Variants in ATP5PD observed in about 807,000 individuals in gnomAD.
ATP5PD encodes ATP synthase peripheral stalk subunit d.
Under a neutral mutation model 22.6 loss-of-function variants are expected in ATP5PD, and 13 were observed. The ratio of observed to expected loss-of-function variants is 0.58; its 90% CI spans 0.37 to 0.91. ATP5PD has a LOEUF of 0.91. ATP5PD is among the 40% of genes least tolerant of loss of function. The pLI, the probability that ATP5PD is intolerant of heterozygous loss-of-function variation, is 0.00. For synonymous variants in ATP5PD, 51 were observed against 65.0 expected (o/e 0.79, Z 1.03); for missense variants, 165 against 188.0 (o/e 0.88, Z 0.72).
At chr17:75,046,837 G>A (rs1222142145) in intron 1 of ATP5PD, 88 bp downstream of exon 1, 3 of 152,534 alleles carry the variant, frequency 2.0e-5, no homozygotes, top group Non-Finnish European at 4.4e-5. Flanking sequence ...CCTTGACGGG[G>A]GCGTGACAAG....
intron 1 of ATP5PD, among the ~76,000 whole-genome samples, chr17:75,044,709 T>G (rs1015730683): frequency 2.0e-5 from 3 of 151,332 alleles, no homozygotes; most frequent in African/African-American, 7.3e-5. Flanking sequence ...TACAGCCACT[T>G]AAAAAAAAAG....
intron 4 of ATP5PD, 118 bp downstream of exon 4, chr17:75,039,974 C>T (rs1264124190): frequency 1.9e-6 from 2 of 1,058,320 alleles, no homozygotes; most frequent in Middle Eastern, 2.1e-4. Context: ...ATTGACAAGT[C>T]ATTCCTTTAT....
intron 3 of ATP5PD, chr17:75,041,820 G>A (rs574802918): frequency 3.4e-5 from 6 of 175,372 alleles, no homozygotes; most frequent in Admixed American, 3.1e-4. Flanking sequence ...GCGTTATGCC[G>A]ATCGGGTGTC....
In ATP5PD at chr17:75,040,321, C is replaced by T. The variant is rs570141651; in HGVS notation, c.220-158G>A. The stretch of plus-strand genomic sequence containing the variant: ...TCTGTGTCCCAAGCGGAAACGAATA[C>T]GCATCTCAATACTGGAGTAGAAAGA... On this transcript the variant is annotated intron_variant, in intron 3 of 5. Transcript: ENST00000301587. The T allele has an allele frequency of 5.1e-5, 40 of 778,944 alleles. No individual in the cohort carries two copies. The East Asian group carries it at 9.4e-4, about 18-fold the overall frequency. The allele number at this position is 778,944 out of a possible 1,614,324, so 48.3% of individuals were successfully genotyped here. A position where few individuals can be genotyped will look rare whatever the true frequency, so the allele number is the denominator to read the frequency against.
chr17:75,041,119 G>T (rs903581317), intron 3 of ATP5PD: 1 of 152,006 alleles, frequency 6.6e-6, no homozygotes, highest in Admixed American at 6.6e-5. Context: ...AGCACTTTGG[G>T]AGGCCAAGGA....
chr17:75,045,018 C>T (rs1023057898), intron 1 of ATP5PD, among the ~76,000 whole-genome samples: 1 of 152,074 alleles, frequency 6.6e-6, no homozygotes, highest in Non-Finnish European at 1.5e-5. Flanking sequence ...GAACTTGCCC[C>T]GATAGTCACA....
At chr17:75,043,330 G>A (rs2073179395) in intron 1 of ATP5PD, among the ~76,000 whole-genome samples, 1 of 151,586 alleles carries the variant, frequency 6.6e-6, no homozygotes, top group Non-Finnish European at 1.5e-5. Context: ...CAGCTCTCTT[G>A]GCCGGGCGCA....
intron 1 of ATP5PD, among the ~76,000 whole-genome samples, chr17:75,046,617 G>A (rs953608180): frequency 6.6e-6 from 1 of 152,224 alleles, no homozygotes; most frequent in Non-Finnish European, 1.5e-5. Flanking sequence ...TGTTTCCCCA[G>A]TCCCCCCACC....
chr17:75,043,370 G>A (rs781001037), intron 1 of ATP5PD, among the ~76,000 whole-genome samples: 3 of 152,072 alleles, frequency 2.0e-5, no homozygotes, highest in Non-Finnish European at 4.4e-5. Flanking sequence ...CCAGCACTTT[G>A]GGAGGCTGAG....
At chr17:75,040,217 A>T (rs1480349843) in intron 3 of ATP5PD, 54 bp from the exon 4 acceptor site, 22 of 1,608,412 alleles carry the variant, frequency 1.4e-5, no homozygotes, top group Middle Eastern at 4.5e-4. Context: ...AAACACAAGG[A>T]CAGTGAGTCG....
intron 1 of ATP5PD, among the ~76,000 whole-genome samples, 174 bp from the exon 2 acceptor site, chr17:75,042,833 A>C (rs1293218938): frequency 6.6e-6 from 1 of 152,124 alleles, no homozygotes; most frequent in Admixed American, 6.6e-5. Context: ...GTGAGTCGAG[A>C]CTGCATCACT....
At chr17:75,039,518 G>A (rs976919088) in intron 4 of ATP5PD, 10 of 497,786 alleles carry the variant, frequency 2.0e-5, no homozygotes, top group Admixed American at 1.0e-4. Flanking sequence ...TTCCTCATCC[G>A]AAGACCTACA....
Position 75,044,452 on chromosome 17 carries a change from G to A in ATP5PD, c.-9-1793C>T, listed in dbSNP as rs985257802. On this transcript the variant is annotated intron_variant, in intron 1 of 5. Coordinates refer to ENST00000301587, the MANE Select transcript of ATP5PD (RefSeq NM_006356.3). ...GATCTCCTGACCTCATGATCCACCC[G>A]CCTCGGCCTCCCAAAGTGCTGGGAT... Among the ~76,000 whole-genome samples, 7 of 108,212 alleles carry A rather than the reference G, an allele frequency of 6.5e-5. 2 individuals carry two copies. Among genetic ancestry groups the A allele is most frequent in the Non-Finnish European group, 1.1e-4 (7 of 61,578 alleles). The allele number at this position is 108,212 out of a possible 152,430, so 71.0% of individuals were successfully genotyped here.
At chr17:75,039,742 T>TA in intron 4 of ATP5PD, 1 of 286,914 alleles carries the variant, frequency 3.5e-6, no homozygotes, top group Non-Finnish European at 6.5e-6. Flanking sequence ...TGAAATATGA[T>TA]AAAATGCACA....
intron 3 of ATP5PD, 103 bp downstream of exon 3, chr17:75,042,078 C>A: frequency 9.7e-7 from 1 of 1,030,116 alleles, no homozygotes. Flanking sequence ...CCTAAGCTTC[C>A]TTAGGGATCT....
chr17:75,045,015 C>T (rs1399780885), intron 1 of ATP5PD, among the ~76,000 whole-genome samples: 1 of 152,148 alleles, frequency 6.6e-6, no homozygotes, highest in African/African-American at 2.4e-5. Context: ...GGGGAACTTG[C>T]CCCGATAGTC....
chr17:75,041,462 A>T (rs1398725122), intron 3 of ATP5PD: 1 of 151,466 alleles, frequency 6.6e-6, no homozygotes, highest in Non-Finnish European at 1.5e-5. Context: ...AAAAAAAAAA[A>T]ACAAAACGAA....
In ATP5PD at chr17:75,039,056, T is replaced by A; in HGVS notation, c.362A>T (p.Lys121Met). 1 of 1,614,006 alleles carries A rather than the reference T, an allele frequency of 6.2e-7. No individual in the cohort carries two copies. The highest frequency in any genetic ancestry group is 8.5e-7 in the Non-Finnish European group (1 of 1,179,978). ...RIVEYEKEME[K>M]MKNLIPFDQM... ...ATCAAATGGAATTAAGTTCTTCATC[T>A]TCTCCATCTGGAAAGAGGGGGAATG... is the stretch of plus-strand genomic sequence containing the variant. The change falls in exon 6 of 6, where the codon AAG becomes ATG. Residue 121 changes from lysine to methionine, a missense_variant. Transcript: ENST00000301587.
At chr17:75,039,517 C>T (rs1302961232) in intron 4 of ATP5PD, 4 of 496,242 alleles carry the variant, frequency 8.1e-6, no homozygotes, top group South Asian at 2.5e-5. Context: ...GTTCCTCATC[C>T]GAAGACCTAC....
Sources: gnomAD v4.1 joint callset for allele counts (sites outside exome capture counted in the v4.1 genomes callset) on GRCh38, gnomAD v4.1.1 for gene constraint, MANE v1.5 for transcripts, NCBI Gene and HGNC (gene_info 2026-07-23, HGNC 2026-07-21) for gene names.